The following KIRREL3 variants were observed in gnomAD, a reference collection of about 807,000 sequenced individuals.
KIRREL3 encodes kin of IRRE-like protein 3.
In KIRREL3, 36 loss-of-function variants were observed where a neutral mutation model predicts 89.7. That is an observed-to-expected ratio of 0.40 (90% CI 0.31 to 0.53). KIRREL3 has a LOEUF of 0.53. Among genes scored for constraint, KIRREL3 ranks in the 20% least tolerant of loss-of-function variants. The pLI, the probability that KIRREL3 is intolerant of heterozygous loss-of-function variation, is 0.49. For missense variants in KIRREL3, 864 were observed against 1,056.6 expected (o/e 0.82, Z 2.53); for synonymous variants, 445 against 441.4 (o/e 1.01, Z -0.10).
chr11:126,572,942 C>T (rs560387054), intron 1 of KIRREL3, among the ~76,000 whole-genome samples: 58 of 152,188 alleles, frequency 3.8e-4, no homozygotes, highest in Admixed American at 3.3e-4. Flanking sequence ...CCTCAAGCCC[C>T]TCACATGCTG....
rs1336033751 is a variant in KIRREL3, at chr11:126,948,697, T to G, written c.55+51758A>C. ...TTTCCACCTCCTCAGGGAGTCTGCCTTGACTGGATGGAAATACAAGGTGAC... is the reference window on the plus strand; with the variant it reads ...TTTCCACCTCCTCAGGGAGTCTGCCGTGACTGGATGGAAATACAAGGTGAC... On this transcript the variant is annotated intron_variant, in intron 1 of 16. Transcript: ENST00000525144. The surrounding 1 kb of genome is among the most constrained non-coding windows in gnomAD (Gnocchi z 4.5). Among the ~76,000 whole-genome samples, 1 of 152,216 alleles carries G rather than the reference T, an allele frequency of 6.6e-6. No individual in the cohort carries two copies.
chr11:126,692,879 C>T (rs1946934690), intron 1 of KIRREL3, among the ~76,000 whole-genome samples: 1 of 152,190 alleles, frequency 6.6e-6, no homozygotes, highest in African/African-American at 2.4e-5. Flanking sequence ...TGTGACTCTG[C>T]AGCTCTTCCC....
At chr11:126,901,521 G>A (rs1163402157) in intron 1 of KIRREL3, among the ~76,000 whole-genome samples, 1 of 152,158 alleles carries the variant, frequency 6.6e-6, no homozygotes, top group Non-Finnish European at 1.5e-5. Flanking sequence ...GAACAATTCA[G>A]TGAGCAACGA....
intron 1 of KIRREL3, chr11:126,944,399 C>G (rs560258917): frequency 6.6e-6 from 1 of 152,302 alleles, no homozygotes; most frequent in South Asian, 2.1e-4. Flanking sequence ...GTATCAAGTG[C>G]CAGGCCAGGG....
chr11:126,481,129 G>A (rs1321654356), intron 4 of KIRREL3, among the ~76,000 whole-genome samples: 1 of 152,148 alleles, frequency 6.6e-6, no homozygotes, highest in African/African-American at 2.4e-5. Flanking sequence ...GACAATAAAT[G>A]AATACACAAA....
At chr11:126,444,351 G>T (rs1361048379) in intron 10 of KIRREL3, among the ~76,000 whole-genome samples, 1 of 152,220 alleles carries the variant, frequency 6.6e-6, no homozygotes, top group Non-Finnish European at 1.5e-5. Flanking sequence ...ATTCTCATGG[G>T]GCCAGGAGAG....
chr11:126,478,576 T>C (rs1256167340), intron 4 of KIRREL3, among the ~76,000 whole-genome samples: 2 of 151,928 alleles, frequency 1.3e-5, no homozygotes, highest in African/African-American at 4.8e-5. Flanking sequence ...TATATATGTG[T>C]GTACACGTGT....
intron 5 of KIRREL3, among the ~76,000 whole-genome samples, chr11:126,469,800 C>T (rs936303450): frequency 3.3e-5 from 5 of 152,236 alleles, no homozygotes; most frequent in Non-Finnish European, 1.5e-5. Context: ...TTGAGGGTCT[C>T]AGGCCTCTGC....
At chr11:126,800,650 C>T (rs1428438372) in intron 1 of KIRREL3, among the ~76,000 whole-genome samples, 1 of 152,140 alleles carries the variant, frequency 6.6e-6, no homozygotes, top group Non-Finnish European at 1.5e-5. Flanking sequence ...TCAGGATTAC[C>T]TCAGGAATAA....
chr11:126,720,614 G>A (rs1252365713), intron 1 of KIRREL3, among the ~76,000 whole-genome samples: 1 of 152,210 alleles, frequency 6.6e-6, no homozygotes, highest in African/African-American at 2.4e-5. Context: ...CCCAGTGTAG[G>A]TGAAGACATT....
chr11:126,673,398 T>C (rs1946046284), intron 1 of KIRREL3, among the ~76,000 whole-genome samples: 1 of 152,212 alleles, frequency 6.6e-6, no homozygotes, highest in African/African-American at 2.4e-5. Context: ...GACCTTTAAC[T>C]CTGGTCACTT....
In KIRREL3 at chr11:126,900,948, G is replaced by A. The variant is rs1371377352; in HGVS notation, c.55+99507C>T. 3.9e-5 allele frequency among the ~76,000 whole-genome samples: 6 copies of A among 152,186 alleles called. No individual in the cohort carries two copies. The highest frequency in any genetic ancestry group is 7.3e-5 in the Non-Finnish European group (5 of 68,042). On this transcript the variant is annotated intron_variant, in intron 1 of 16. Transcript: ENST00000525144. The surrounding 1 kb of genome is among the most constrained non-coding windows in gnomAD (Gnocchi z 4.4). Reference sequence around the variant, plus strand: ...GAGGATAGAAAGATAGGAACCTGAAGGATACTCAAGTTATAAATCAATGAC... The same window carrying A: ...GAGGATAGAAAGATAGGAACCTGAAAGATACTCAAGTTATAAATCAATGAC...
At chr11:126,464,966 C>G (rs1443407869) in intron 5 of KIRREL3, among the ~76,000 whole-genome samples, 1 of 152,168 alleles carries the variant, frequency 6.6e-6, no homozygotes, top group Non-Finnish European at 1.5e-5. Context: ...GAAGCTAGTT[C>G]CCCATTGTGG....
intron 1 of KIRREL3, among the ~76,000 whole-genome samples, chr11:126,921,323 T>A (rs1322590611): frequency 6.6e-6 from 1 of 152,206 alleles, no homozygotes; most frequent in East Asian, 1.9e-4. Context: ...AGAAGGTTTA[T>A]CATGGGACTT....
At chr11:126,787,317 A>C (rs1395642525) in intron 1 of KIRREL3, among the ~76,000 whole-genome samples, 1 of 152,174 alleles carries the variant, frequency 6.6e-6, no homozygotes, top group Non-Finnish European at 1.5e-5. Context: ...AGTTTGCACA[A>C]TTAATAATAT....
chr11:126,549,675 A>G (rs1939103365), intron 2 of KIRREL3: 2 of 152,296 alleles, frequency 1.3e-5, no homozygotes, highest in African/African-American at 4.8e-5. Context: ...AGGAAGAAGC[A>G]GAGAGAAGAA....
chr11:126,478,235 CT>C (rs1220773510), intron 4 of KIRREL3, among the ~76,000 whole-genome samples: 2 of 152,218 alleles, frequency 1.3e-5, no homozygotes, highest in African/African-American at 4.8e-5. Context: ...GAAGGTGCAG[CT>C]TCAAGAGCCC....
intron 4 of KIRREL3, among the ~76,000 whole-genome samples, chr11:126,503,878 T>C (rs1957941263): frequency 6.6e-6 from 1 of 151,448 alleles, no homozygotes; most frequent in African/African-American, 2.4e-5. Context: ...TCCCTCTCCC[T>C]CTTTCTCCCA....
Position 126,729,142 on chromosome 11 carries a change from C to T in KIRREL3, c.56-166230G>A, listed in dbSNP as rs193189863. Among the ~76,000 whole-genome samples, 1 of 152,314 alleles carries T rather than the reference C, an allele frequency of 6.6e-6. No homozygotes were observed. Among genetic ancestry groups the T allele is most frequent in the Admixed American group, 6.5e-5 (1 of 15,298 alleles). On this transcript the variant is annotated intron_variant, in intron 1 of 16. Transcript: ENST00000525144. This position sits in a 1 kb window ranked among gnomAD's most constrained non-coding sequence, Gnocchi z 4.5. ...AGAATGGCTGCCTCCTTAGTCCAGA[C>T]TGAGTCCTGTGGAATGTGTGGTTGG...
Sources: gnomAD v4.1 joint callset for allele counts (sites outside exome capture counted in the v4.1 genomes callset) on GRCh38, gnomAD v4.1.1 for gene constraint, Gnocchi (gnomAD v3.1) non-coding constraint, MANE v1.5 for transcripts, NCBI Gene and HGNC (gene_info 2026-07-23, HGNC 2026-07-21) for gene names.